Variants in KLHL29 observed in about 807,000 individuals in gnomAD.
The protein encoded by KLHL29 is kelch like family member 29.
Under a neutral mutation model 80.4 loss-of-function variants are expected in KLHL29, and 21 were observed. The observed-to-expected ratio is 0.26, with a 90% CI of 0.19 to 0.38. The LOEUF (loss-of-function observed/expected upper bound fraction) is 0.38. KLHL29 is among the 10% of genes least tolerant of loss of function. KLHL29 has a pLI of 1.00. For synonymous variants in KLHL29, 511 were observed against 526.8 expected (o/e 0.97, Z 0.41); for missense variants, 867 against 1,223.9 (o/e 0.71, Z 4.35).
rs116231364 is a variant in KLHL29 at position 23,411,082 on chromosome 2, G to A, written c.-154+25302G>A. Among the ~76,000 whole-genome samples, 674 of 152,280 alleles carry A rather than the reference G, an allele frequency of 4.4e-3. 7 individuals are homozygous for A. The highest frequency in any genetic ancestry group is 0.015 in the African/African-American group (639 of 41,550). ...TGTAATAAATGTTTATTAAGCACCT[G>A]CTCTGTGCCAGGCACAGTGGCATGG... On this transcript the variant is annotated intron_variant, in intron 1 of 13. Coordinates refer to ENST00000486442, the MANE Select transcript of KLHL29 (RefSeq NM_052920.2).
chr2:23,552,761 C>CTTTTCTTTTTTTTTTTT (rs71400590), intron 2 of KLHL29, among the ~76,000 whole-genome samples: 1 of 95,576 alleles, frequency 1.0e-5, no homozygotes, highest in African/African-American at 4.7e-5. Context: ...GGTTTCTTTT[C>CTTTTCTTTTTTTTTTTT]TTTTTTTTTT....
At position 23,596,359 on chromosome 2, in the gene KLHL29, C is replaced by G. The variant is rs941879532; in HGVS notation, c.285+33878C>G. ...TCCAGGCTTCAGCTACCAACACGCC[C>G]CTATGAGTCTCTGTCTCCGAGCAGA... is the stretch of plus-strand genomic sequence containing the variant. On this transcript the variant is annotated intron_variant, in intron 3 of 13. Transcript: ENST00000486442. The surrounding 1 kb of genome is among the most constrained non-coding windows in gnomAD (Gnocchi z 4.4). 6.6e-6 allele frequency among the ~76,000 whole-genome samples: 1 copy of G among 152,292 alleles called. No individual in the cohort carries two copies. The highest frequency in any genetic ancestry group is 2.4e-5 in the African/African-American group (1 of 41,560).
At chr2:23,512,402 G>A (rs373485525) in intron 2 of KLHL29, among the ~76,000 whole-genome samples, 96 of 151,212 alleles carry the variant, frequency 6.3e-4, no homozygotes, top group Middle Eastern at 3.4e-3. Context: ...CAGAGATCGC[G>A]CCATTGCACT....
intron 1 of KLHL29, among the ~76,000 whole-genome samples, chr2:23,386,921 C>T (rs1666197181): frequency 6.6e-6 from 1 of 152,122 alleles, no homozygotes; most frequent in Non-Finnish European, 1.5e-5. Context: ...GTCTCGGATG[C>T]CTGGGTCCAC....
intron 3 of KLHL29, among the ~76,000 whole-genome samples, chr2:23,576,969 C>T (rs566006670): frequency 3.3e-5 from 5 of 152,220 alleles, no homozygotes; most frequent in South Asian, 2.1e-4. Flanking sequence ...CCAGGGTGTC[C>T]GGCCACCACC....
chr2:23,544,521 A>G (rs1666933195), intron 2 of KLHL29, among the ~76,000 whole-genome samples: 1 of 152,240 alleles, frequency 6.6e-6, no homozygotes, highest in African/African-American at 2.4e-5. Flanking sequence ...GTTTAGAAGC[A>G]CTGCCCTTAG....
rs545391623 is a variant in KLHL29 at position 23,598,461 on chromosome 2, C to T, written c.285+35980C>T. Reference sequence around the variant, plus strand: ...CGCACACTCACATATACACTGTGCACAAACACACACACACCTGCCCTGGCT... The same window carrying T: ...CGCACACTCACATATACACTGTGCATAAACACACACACACCTGCCCTGGCT... On this transcript the variant is annotated intron_variant, in intron 3 of 13. Coordinates refer to ENST00000486442, the MANE Select transcript of KLHL29 (RefSeq NM_052920.2). 5.0e-3 allele frequency among the ~76,000 whole-genome samples: 755 copies of T among 151,768 alleles called. 5 individuals are homozygous for T. Among genetic ancestry groups the T allele is most frequent in the African/African-American group, 0.017 (692 of 41,018 alleles).
intron 3 of KLHL29, among the ~76,000 whole-genome samples, chr2:23,576,259 A>G (rs999185826): frequency 6.6e-6 from 1 of 150,838 alleles, no homozygotes; most frequent in African/African-American, 2.4e-5. Flanking sequence ...GAGCCAAGAT[A>G]GCACCATTGC....
chr2:23,691,962 GGTCT>G, intron 7 of KLHL29, 86 bp downstream of exon 7: 1 of 1,367,388 alleles, frequency 7.3e-7, no homozygotes, highest in Non-Finnish European at 1.0e-6. Context: ...TGAGCGGGGA[GGTCT>G]GTGTGTGCAC....
intron 1 of KLHL29, among the ~76,000 whole-genome samples, chr2:23,441,392 A>G (rs1378142048): frequency 6.6e-6 from 1 of 151,582 alleles, no homozygotes; most frequent in Non-Finnish European, 1.5e-5. Context: ...TGATGAGTTA[A>G]TGGGTGCAGC....
intron 2 of KLHL29, among the ~76,000 whole-genome samples, chr2:23,497,218 CT>C (rs1665294196): frequency 6.6e-6 from 1 of 152,168 alleles, no homozygotes; most frequent in Non-Finnish European, 1.5e-5. Context: ...ACTGCGATTA[CT>C]TGAAAACGGG....
At chr2:23,610,806 A>T (rs1668839365) in intron 3 of KLHL29, among the ~76,000 whole-genome samples, 1 of 152,280 alleles carries the variant, frequency 6.6e-6, no homozygotes, top group African/African-American at 2.4e-5. Context: ...CTGCAAAAGT[A>T]GAAATGCAAG....
At chr2:23,408,537 A>C (rs1474135390) in intron 1 of KLHL29, among the ~76,000 whole-genome samples, 1 of 152,164 alleles carries the variant, frequency 6.6e-6, no homozygotes, top group African/African-American at 2.4e-5. Flanking sequence ...CCTATATGTT[A>C]CATATACATA....
At position 23,547,456 on chromosome 2, in the gene KLHL29, G is replaced by A. The variant is rs145589038; in HGVS notation, c.-45-14696G>A. ...CCCCACAGGTCACTTAAACCTTTAC[G>A]TTAATTAAACCCCTCCCTGCCTCAG... On this transcript the variant is annotated intron_variant, in intron 2 of 13. Coordinates refer to ENST00000486442, the MANE Select transcript of KLHL29 (RefSeq NM_052920.2). Among the ~76,000 whole-genome samples the A allele has an allele frequency of 2.2e-3, 333 of 152,158 alleles. 3 individuals are homozygous for A. The highest frequency in any genetic ancestry group is 7.4e-3 in the African/African-American group (308 of 41,504).
intron 1 of KLHL29, among the ~76,000 whole-genome samples, chr2:23,410,206 C>T (rs1222785792): frequency 3.9e-5 from 6 of 152,150 alleles, no homozygotes; most frequent in Non-Finnish European, 8.8e-5. Context: ...GCCCTGGCTA[C>T]CATGTGGTAA....
chr2:23,597,772 C>T (rs1173888437), intron 3 of KLHL29, among the ~76,000 whole-genome samples: 1 of 152,160 alleles, frequency 6.6e-6, no homozygotes, highest in African/African-American at 2.4e-5. Context: ...CCTTCTAGCC[C>T]TGACATGCTC....
At chr2:23,396,608 C>T (rs1431407282) in intron 1 of KLHL29, among the ~76,000 whole-genome samples, 4 of 152,164 alleles carry the variant, frequency 2.6e-5, no homozygotes, top group South Asian at 2.1e-4. Flanking sequence ...CAGGCCGATC[C>T]TTCTAGAGGA....
At position 23,552,878 on chromosome 2, in the gene KLHL29, A is replaced by G. The variant is rs185103828; in HGVS notation, c.-45-9274A>G. Among the ~76,000 whole-genome samples, 874 of 148,298 alleles carry G rather than the reference A, an allele frequency of 5.9e-3. 13 individuals carry two copies. Among genetic ancestry groups the G allele is most frequent in the African/African-American group, 0.021 (850 of 40,034 alleles). On this transcript the variant is annotated intron_variant, in intron 2 of 13. Coordinates refer to ENST00000486442, the MANE Select transcript of KLHL29 (RefSeq NM_052920.2). ...AGGTTCAAGCGATTCTCCTGCCTCAACCTCCCAAGTAGCTGGGATTACAGG... is the reference window on the plus strand; with the variant it reads ...AGGTTCAAGCGATTCTCCTGCCTCAGCCTCCCAAGTAGCTGGGATTACAGG...
chr2:23,507,251 GA>G, intron 2 of KLHL29: 1 of 228,740 alleles, frequency 4.4e-6, no homozygotes. Context: ...TAAGAGGCAG[GA>G]AAATAAATAG....
Sources: gnomAD v4.1 joint callset for allele counts (sites outside exome capture counted in the v4.1 genomes callset) on GRCh38, gnomAD v4.1.1 for gene constraint, Gnocchi (gnomAD v3.1) non-coding constraint, MANE v1.5 for transcripts, NCBI Gene and HGNC (gene_info 2026-07-23, HGNC 2026-07-21) for gene names.